The following GPC6 variants were observed in gnomAD, a reference collection of about 807,000 sequenced individuals.
GPC6 encodes glypican 6.
Under a neutral mutation model 55.2 loss-of-function variants are expected in GPC6, and 14 were observed. The ratio of observed to expected loss-of-function variants is 0.25; its 90% CI spans 0.17 to 0.40. GPC6 has a LOEUF of 0.40. Among genes scored for constraint, GPC6 ranks in the 10% least tolerant of loss-of-function variants. The probability of loss-of-function intolerance (pLI) is 1.00; values close to 1 mark genes in which losing one functional copy is unlikely to be tolerated. For synonymous variants in GPC6, 278 were observed against 259.6 expected (o/e 1.07, Z -0.68); for missense variants, 641 against 708.5 (o/e 0.90, Z 1.08).
intron 1 of GPC6, among the ~76,000 whole-genome samples, chr13:93,344,000 C>G (rs1044180446): frequency 1.3e-5 from 2 of 152,174 alleles, no homozygotes; most frequent in Admixed American, 1.3e-4. Context: ...AACAGGGTGC[C>G]TTACAAGTAG....
chr13:93,734,661 T>A (rs1389679892), intron 2 of GPC6, among the ~76,000 whole-genome samples: 2 of 152,184 alleles, frequency 1.3e-5, no homozygotes, highest in African/African-American at 4.8e-5. Context: ...ATGGAGATAT[T>A]GTAAATGTAA....
At chr13:94,130,849 A>G (rs1886979303) in intron 4 of GPC6, among the ~76,000 whole-genome samples, 1 of 152,170 alleles carries the variant, frequency 6.6e-6, no homozygotes, top group South Asian at 2.1e-4. Flanking sequence ...AAGTAAGTAT[A>G]ACACCTTCAC....
At chr13:94,117,145 A>G (rs1225346589) in intron 4 of GPC6, among the ~76,000 whole-genome samples, 3 of 152,118 alleles carry the variant, frequency 2.0e-5, no homozygotes, top group Non-Finnish European at 2.9e-5. Context: ...CTGCACAAGC[A>G]TTCTGCCTAA....
intron 4 of GPC6, among the ~76,000 whole-genome samples, chr13:94,208,310 G>A (rs61964471): frequency 3.3e-5 from 5 of 152,146 alleles, no homozygotes; most frequent in Non-Finnish European, 7.3e-5. Context: ...GGGCGTAAGT[G>A]CCTATTTCAG....
rs549165463 is a variant in GPC6, at chr13:93,618,895, C to T, written c.319+73474C>T. On this transcript the variant is annotated intron_variant, in intron 2 of 8. Coordinates refer to ENST00000377047, the MANE Select transcript of GPC6 (RefSeq NM_005708.5). ...AGGTGATTTTGTCTTGTGTGAACAT[C>T]GTTGAGTATACATCTACAAACCTAA... is the stretch of plus-strand genomic sequence containing the variant. Among the ~76,000 whole-genome samples the T allele has an allele frequency of 1.2e-4, 18 of 152,208 alleles. 1 individual carries two copies. The South Asian group carries it at 2.1e-3, about 18-fold the overall frequency.
Position 93,789,598 on chromosome 13 carries a change from CATATATATATATATATATATATATATAT to C in GPC6, c.320-40536_320-40509del, listed in dbSNP as rs755185604. Among the ~76,000 whole-genome samples the C allele has an allele frequency of 5.1e-3, 345 of 67,706 alleles. 10 individuals carry two copies. The highest frequency in any genetic ancestry group is 7.0e-3 in the Non-Finnish European group (246 of 34,996). The allele number at this position is 67,706 out of a possible 152,430, so 44.4% of individuals were successfully genotyped here. On this transcript the variant is annotated intron_variant, in intron 2 of 8. Transcript: ENST00000377047. ...TAAATACTATATATATATAATACTA[CATATATATATATATATATATATATATAT>C]ATATATATATATATATATAGTATTC...
intron 2 of GPC6, among the ~76,000 whole-genome samples, chr13:93,605,251 C>G (rs954540091): frequency 6.6e-6 from 1 of 152,068 alleles, no homozygotes; most frequent in Non-Finnish European, 1.5e-5. Context: ...AATGCAAATC[C>G]TACAACTATA....
At chr13:94,380,147 G>T (rs1181320518) in intron 6 of GPC6, among the ~76,000 whole-genome samples, 2 of 152,144 alleles carry the variant, frequency 1.3e-5, no homozygotes, top group African/African-American at 4.8e-5. Context: ...CCCATAACGT[G>T]GAGGTAGGAT....
At chr13:93,517,785 T>A (rs1489564653) in intron 1 of GPC6, among the ~76,000 whole-genome samples, 1 of 152,008 alleles carries the variant, frequency 6.6e-6, no homozygotes, top group East Asian at 1.9e-4. Context: ...TACAAATCTT[T>A]CTTTGGGTAG....
chr13:93,378,903 G>A (rs1039423380), intron 1 of GPC6, among the ~76,000 whole-genome samples: 5 of 151,604 alleles, frequency 3.3e-5, no homozygotes, highest in South Asian at 4.2e-4. Flanking sequence ...CCTGAGGCAG[G>A]AGAATCGCAT....
intron 1 of GPC6, among the ~76,000 whole-genome samples, chr13:93,400,985 G>A (rs1876049279): frequency 6.6e-6 from 1 of 152,098 alleles, no homozygotes; most frequent in Non-Finnish European, 1.5e-5. Context: ...TTGGTTTATG[G>A]CAGAAATTGA....
chr13:94,072,241 A>G (rs1170763269), intron 4 of GPC6, among the ~76,000 whole-genome samples: 3 of 152,234 alleles, frequency 2.0e-5, no homozygotes, highest in African/African-American at 7.2e-5. Flanking sequence ...TCCTAAAATA[A>G]ATATTTAATG....
chr13:94,291,830 G>T (rs1874995087), intron 5 of GPC6, among the ~76,000 whole-genome samples: 2 of 151,944 alleles, frequency 1.3e-5, no homozygotes, highest in South Asian at 4.1e-4. Context: ...TGAGAGGCAA[G>T]CTCCAGGTGA....
intron 4 of GPC6, among the ~76,000 whole-genome samples, chr13:94,043,173 T>G (rs1052936955): frequency 2.6e-5 from 4 of 151,812 alleles, no homozygotes; most frequent in African/African-American, 9.7e-5. Flanking sequence ...AAAACCTACC[T>G]GTTCTCCGGG....
At chr13:93,663,368 A>G (rs1189100341) in intron 2 of GPC6, among the ~76,000 whole-genome samples, 1 of 152,206 alleles carries the variant, frequency 6.6e-6, no homozygotes, top group Non-Finnish European at 1.5e-5. Context: ...ATGTTCATAT[A>G]TGAAGTGACT....
intron 3 of GPC6, among the ~76,000 whole-genome samples, chr13:93,831,139 T>A (rs1887476826): frequency 6.6e-6 from 1 of 152,200 alleles, no homozygotes; most frequent in South Asian, 2.1e-4. Flanking sequence ...TTTCTTTTGT[T>A]ACCCCTTATC....
At chr13:93,828,533 C>T (rs893081145) in intron 2 of GPC6, among the ~76,000 whole-genome samples, 1 of 151,898 alleles carries the variant, frequency 6.6e-6, no homozygotes, top group Non-Finnish European at 1.5e-5. Context: ...AAATTTCGCC[C>T]TATCTGCTTC....
In GPC6 at chr13:94,035,216, C is replaced by T. The variant is rs974868026; in HGVS notation, c.877+7322C>T. Reference sequence around the variant, plus strand: ...CTTTAATAACATGTTACAATTTTCACTGTCATGTTTTCAAGTTCAAGCTAT... The same window carrying T: ...CTTTAATAACATGTTACAATTTTCATTGTCATGTTTTCAAGTTCAAGCTAT... On this transcript the variant is annotated intron_variant, in intron 4 of 8. Coordinates refer to ENST00000377047, the MANE Select transcript of GPC6 (RefSeq NM_005708.5). Among the ~76,000 whole-genome samples the T allele has an allele frequency of 5.0e-4, 76 of 151,998 alleles. 2 individuals carry two copies. Among genetic ancestry groups the T allele is most frequent in the Admixed American group, 3.9e-4 (6 of 15,248 alleles).
rs570117227 is a variant in GPC6 at position 93,923,549 on chromosome 13, A to G, written c.711+93004A>G. ...TCTATTTTTTAAACAATCAATAGCC[A>G]CTTTCCCCAGTCTTAGCAGACATAA... is the stretch of plus-strand genomic sequence containing the variant. On this transcript the variant is annotated intron_variant, in intron 3 of 8. Coordinates refer to ENST00000377047, the MANE Select transcript of GPC6 (RefSeq NM_005708.5). 2.0e-5 allele frequency among the ~76,000 whole-genome samples: 3 copies of G among 152,224 alleles called. No homozygotes were observed. In the East Asian group the frequency reaches 5.8e-4, roughly 29 times the overall value.
Sources: allele counts gnomAD v4.1 joint callset (sites outside exome capture counted in the v4.1 genomes callset), GRCh38; gene constraint gnomAD v4.1.1; transcripts MANE v1.5; gene names NCBI Gene and HGNC (gene_info 2026-07-23, HGNC 2026-07-21).